The following ZNF454 variants were observed in gnomAD, a reference collection of about 807,000 sequenced individuals.
ZNF454 encodes the protein zinc finger protein 454.
In ZNF454, 30 loss-of-function variants were observed where a neutral mutation model predicts 48.2. That is an observed-to-expected ratio of 0.62 (90% CI 0.47 to 0.84). ZNF454 has a LOEUF of 0.84. Ranked by LOEUF, ZNF454 falls within the 40% of genes least tolerant of loss-of-function variation. The pLI is 0.00. For missense variants in ZNF454, 510 were observed against 623.1 expected, an observed-to-expected ratio of 0.82 and a Z score of 1.93; for synonymous variants, 204 against 211.4, an observed-to-expected ratio of 0.97 and a Z score of 0.30.
chr5:178,982,114 C>T, the ZNF454 span, among the ~76,000 whole-genome samples: 3 of 152,108 alleles, frequency 2.0e-5, no homozygotes, highest in East Asian at 5.8e-4. Flanking sequence ...GGAGCCGGGG[C>T]ATGTCAGTGA....
intron 4 of ZNF454, among the ~76,000 whole-genome samples, chr5:178,954,025 G>A (rs1334452238): frequency 2.0e-5 from 3 of 152,126 alleles, no homozygotes; most frequent in African/African-American, 7.2e-5. Flanking sequence ...TTGGGAGGCC[G>A]AGGCAGGTGG....
chr5:178,982,745 C>T, the ZNF454 span: 3 of 622,376 alleles, frequency 4.8e-6, no homozygotes, highest in East Asian at 8.3e-5. Flanking sequence ...GGGTTAGAAG[C>T]TTGGAAAAGT....
chr5:178,969,387 C>T (rs1003619459), downstream of ZNF454: 2 of 446,588 alleles, frequency 4.5e-6, no homozygotes, highest in Admixed American at 4.7e-5. Flanking sequence ...TTCTGTGCCC[C>T]ACCTTCAGCT....
the ZNF454 span, among the ~76,000 whole-genome samples, chr5:178,982,560 G>A: frequency 9.9e-6 from 1 of 101,226 alleles, no homozygotes; most frequent in Admixed American, 1.6e-4. Context: ...CTGGGCAACA[G>A]AGTGAGACTC....
chr5:178,964,214 G>A (rs1225479742), intron 4 of ZNF454, among the ~76,000 whole-genome samples: 4 of 151,362 alleles, frequency 2.6e-5, no homozygotes, highest in East Asian at 2.1e-4. Flanking sequence ...TCCGCCTCCC[G>A]GGTTCACACC....
chr5:178,983,190 C>T, the ZNF454 span: 41 of 1,612,864 alleles, frequency 2.5e-5, no homozygotes, highest in African/African-American at 1.6e-4. Context: ...GTGTGGGGGC[C>T]GGGCCCCCAG....
chr5:178,988,731 G>A, the ZNF454 span, among the ~76,000 whole-genome samples: 1 of 152,170 alleles, frequency 6.6e-6, no homozygotes, highest in Non-Finnish European at 1.5e-5. This position sits in a 1 kb window ranked among gnomAD's most constrained non-coding sequence, Gnocchi z 6.0. Context: ...ACCAGCGCAG[G>A]GAACACTGAA....
At chr5:178,988,915 G>C in the ZNF454 span, 3 of 1,600,196 alleles carry the variant, frequency 1.9e-6, no homozygotes, top group Non-Finnish European at 1.7e-6. The surrounding 1 kb of genome is among the most constrained non-coding windows in gnomAD (Gnocchi z 6.0). Context: ...ACTGCTGCAG[G>C]GGGGCAGGCA....
At chr5:178,945,468 G>A (rs543420029) in intron 2 of ZNF454, among the ~76,000 whole-genome samples, 43 of 147,812 alleles carry the variant, frequency 2.9e-4, no homozygotes, top group African/African-American at 9.7e-4. Flanking sequence ...GGGGTGTGTC[G>A]TGTGTGTGTA....
chr5:178,986,619 C>T, the ZNF454 span: 1 of 1,603,482 alleles, frequency 6.2e-7, no homozygotes, highest in Non-Finnish European at 8.5e-7. Context: ...GGAAGCGGTA[C>T]CCGTCACAGG....
chr5:178,985,684 C>T, the ZNF454 span: 18 of 392,142 alleles, frequency 4.6e-5, no homozygotes, highest in South Asian at 1.3e-4. Flanking sequence ...GCCTGGGCGA[C>T]ACAGCGAGAC....
At chr5:178,986,789 T>C in the ZNF454 span, 11 of 1,611,572 alleles carry the variant, frequency 6.8e-6, no homozygotes, top group Non-Finnish European at 9.3e-6. Flanking sequence ...GGCGTCTGCC[T>C]CCGGGATCCT....
chr5:178,987,383 A>G, the ZNF454 span: 1 of 464,208 alleles, frequency 2.2e-6, no homozygotes. Flanking sequence ...AGCGTTATTC[A>G]CATAGCCACA....
rs35611675 is a variant in ZNF454 at position 178,960,934 on chromosome 5, C to CTT, written c.251-3707_251-3706dup. On this transcript the variant is annotated intron_variant, in intron 4 of 4. Transcript: ENST00000519564. ...TTATTTGTTCATCCAGTCTCACAAT[C>CTT]TTTTTTTTTTTTTTTGAGACACAGT... Among the ~76,000 whole-genome samples, 103 of 139,476 alleles carry CTT rather than the reference C, an allele frequency of 7.4e-4. 4 individuals are homozygous for CTT. Among genetic ancestry groups the CTT allele is most frequent in the East Asian group, 4.9e-3 (21 of 4,310 alleles). The allele number at this position is 139,476 out of a possible 152,430, so 91.5% of individuals were successfully genotyped here.
the ZNF454 span, chr5:178,987,351 CT>C: frequency 2.1e-6 from 1 of 478,104 alleles, no homozygotes; most frequent in Non-Finnish European, 4.1e-6. Flanking sequence ...GCAAGAAATG[CT>C]TGTACAGCCA....
the ZNF454 span, chr5:178,985,341 G>A: frequency 4.5e-6 from 2 of 443,706 alleles, no homozygotes; most frequent in Admixed American, 2.5e-5. Context: ...ACCCAGCAGG[G>A]GAGATGGCGG....
chr5:178,961,033 C>T (rs561078569), intron 4 of ZNF454, among the ~76,000 whole-genome samples: 3 of 151,004 alleles, frequency 2.0e-5, no homozygotes, highest in South Asian at 4.2e-4. Context: ...TGGGTTCAAG[C>T]GATTCTTCTG....
chr5:178,985,499 C>G, the ZNF454 span: 3,297 of 342,868 alleles, frequency 9.6e-3, 30 homozygotes, highest in Non-Finnish European at 0.012. Context: ...GTCAGGAGAT[C>G]GAGACCATCC....
chr5:178,946,969 CT>C lies in ZNF454; in HGVS notation c.234del (p.Gly79GlufsTer8). 1 of 1,614,052 alleles carries C rather than the reference CT, an allele frequency of 6.2e-7. No individual in the cohort carries two copies. The highest frequency in any genetic ancestry group is 1.1e-5 in the South Asian group (1 of 91,072). ...KREVWMPEDT[P>X]GGFCLDWMTM... ...GAAGTGTGGATGCCAGAGGACACCCCTGGAGGCTTCTGTCTTGGTAAGAATC... is the reference window on the plus strand; with the variant it reads ...GAAGTGTGGATGCCAGAGGACACCCCGGAGGCTTCTGTCTTGGTAAGAATC... On this transcript the variant is annotated frameshift_variant, in exon 4 of 5. Transcript: ENST00000519564. LOFTEE classifies it high-confidence loss of function. The surrounding 1 kb of genome is among the most constrained non-coding windows in gnomAD (Gnocchi z 4.5).
Sources: allele counts gnomAD v4.1 joint callset (sites outside exome capture counted in the v4.1 genomes callset), GRCh38; gene constraint gnomAD v4.1.1; non-coding constraint Gnocchi (gnomAD v3.1); transcripts MANE v1.5; gene names NCBI Gene and HGNC (gene_info 2026-07-23, HGNC 2026-07-21).